Variants in NPSR1 observed in about 807,000 individuals in gnomAD.
The protein encoded by NPSR1 is neuropeptide S receptor.
NPSR1 carries 48 observed loss-of-function variants against 46.9 expected under a neutral mutation model. That is an observed-to-expected ratio of 1.02 (90% confidence interval 0.81 to 1.30). NPSR1 has a LOEUF of 1.30. Among genes scored for constraint, NPSR1 ranks in the 50% most tolerant of loss-of-function variants. The probability of loss-of-function intolerance (pLI) is 0.00; values close to 1 mark genes in which losing one functional copy is unlikely to be tolerated. For synonymous variants in NPSR1, 176 were observed against 168.1 expected (o/e 1.05, Z -0.36); for missense variants, 450 against 449.5 (o/e 1.00, Z -0.01).
intron 2 of NPSR1, among the ~76,000 whole-genome samples, chr7:34,749,997 G>C (rs1387100048): frequency 6.6e-6 from 1 of 151,838 alleles, no homozygotes; most frequent in Admixed American, 6.6e-5. Flanking sequence ...TTTTTTTTAA[G>C]TATATAAAAA....
chr7:34,696,078 TAAAAAA>T (rs34574984), intron 2 of NPSR1, among the ~76,000 whole-genome samples: 1 of 113,890 alleles, frequency 8.8e-6, no homozygotes, highest in Non-Finnish European at 1.9e-5. Flanking sequence ...GTTGATTTGA[TAAAAAA>T]AAAAAAAAAA....
At chr7:34,718,631 G>A (rs1214135541) in intron 2 of NPSR1, among the ~76,000 whole-genome samples, 1 of 152,220 alleles carries the variant, frequency 6.6e-6, no homozygotes, top group Non-Finnish European at 1.5e-5. Flanking sequence ...CTACATTGAA[G>A]ATCAAGGAAT....
chr7:34,805,479 CA>C (rs57776086), intron 3 of NPSR1, among the ~76,000 whole-genome samples: 2,183 of 71,872 alleles, frequency 0.03, 25 homozygotes, highest in African/African-American at 0.057. Context: ...TATCCACATG[CA>C]AAAAAAAAAA....
intron 8 of NPSR1, among the ~76,000 whole-genome samples, chr7:34,871,812 C>A (rs1257015006): frequency 1.3e-5 from 2 of 151,950 alleles, no homozygotes; most frequent in African/African-American, 2.4e-5. Flanking sequence ...AGGCCTTGGG[C>A]AGACCCACCC....
In NPSR1 at chr7:34,834,440, CAG is replaced by C; in HGVS notation, c.738_739del (p.Val247AspfsTer14). On this transcript the variant is annotated frameshift_variant, in exon 6 of 9. Transcript: ENST00000360581. LOFTEE classifies it high-confidence loss of function. Reference sequence around the variant, plus strand: ...TGGATTAAAAGCAAAACCTACGAAACAGTGATTTCCAACTGCTCAGGTAAGTC... The same window carrying C: ...TGGATTAAAAGCAAAACCTACGAAACTGATTTCCAACTGCTCAGGTAAGTC... 6.2e-7 allele frequency: 1 copy of C among 1,612,288 alleles called. No homozygotes were observed. The highest frequency in any genetic ancestry group is 8.5e-7 in the Non-Finnish European group (1 of 1,178,314).
intron 3 of NPSR1, among the ~76,000 whole-genome samples, chr7:34,791,217 T>TATATGTTATATATTATATTATATATGTC (rs1787855891): frequency 8.6e-6 from 1 of 116,380 alleles, no homozygotes; most frequent in Non-Finnish European, 1.6e-5. Flanking sequence ...TTATATATGT[T>TATATGTTATATATTATATTATATATGTC]ATATGTTATA....
At chr7:34,794,452 C>T (rs1788082552) in intron 3 of NPSR1, among the ~76,000 whole-genome samples, 1 of 151,970 alleles carries the variant, frequency 6.6e-6, no homozygotes, top group Non-Finnish European at 1.5e-5. Context: ...TTAAGATGGA[C>T]CAATTCCTTG....
chr7:34,793,022 A>G (rs1460169616), intron 3 of NPSR1, among the ~76,000 whole-genome samples: 1 of 151,724 alleles, frequency 6.6e-6, no homozygotes, highest in East Asian at 1.9e-4. Flanking sequence ...CTGTCTCTAC[A>G]AAAAGTAAAA....
chr7:34,712,117 C>T (rs1398061779), intron 2 of NPSR1, among the ~76,000 whole-genome samples: 20 of 152,182 alleles, frequency 1.3e-4, no homozygotes, highest in Admixed American at 1.3e-3. Flanking sequence ...TGCTTATTTA[C>T]GTTATCTCTC....
chr7:34,670,762 A>G (rs17189268), intron 1 of NPSR1, among the ~76,000 whole-genome samples: 37,601 of 151,866 alleles, frequency 0.25, 4,891 homozygotes, highest in South Asian at 0.34. Flanking sequence ...GTGTGAAAAA[A>G]TATTGTTTAT....
intron 3 of NPSR1, among the ~76,000 whole-genome samples, chr7:34,792,413 AC>A (rs1787921276): frequency 6.8e-6 from 1 of 147,622 alleles, no homozygotes; most frequent in Non-Finnish European, 1.5e-5. Context: ...TAGTCCTAGT[AC>A]TTTGGGAGGT....
chr7:34,698,757 T>A (rs1357136402), intron 2 of NPSR1, among the ~76,000 whole-genome samples: 1 of 152,182 alleles, frequency 6.6e-6, no homozygotes, highest in Non-Finnish European at 1.5e-5. Flanking sequence ...TTACAATGGT[T>A]TAGACAAATC....
chr7:34,859,540 C>T (rs1791137346), intron 8 of NPSR1, among the ~76,000 whole-genome samples: 1 of 151,604 alleles, frequency 6.6e-6, no homozygotes, highest in Non-Finnish European at 1.5e-5. Context: ...GATATTGCTG[C>T]CCTAACTCCA....
chr7:34,837,537 T>G (rs1790416633), intron 6 of NPSR1, among the ~76,000 whole-genome samples: 1 of 152,242 alleles, frequency 6.6e-6, no homozygotes, highest in Non-Finnish European at 1.5e-5. Flanking sequence ...TTTAACCCAT[T>G]TCCCGTTTGA....
At chr7:34,852,307 GAGAGAA>G (rs1790954324), downstream of NPSR1, among the ~76,000 whole-genome samples, 1 of 150,744 alleles carries the variant, frequency 6.6e-6, no homozygotes, top group African/African-American at 2.5e-5. Flanking sequence ...CTCAAGGAAA[GAGAGAA>G]AGAGAGAAAG....
intron 4 of NPSR1, among the ~76,000 whole-genome samples, chr7:34,813,446 C>T (rs569293684): frequency 6.6e-6 from 1 of 152,236 alleles, no homozygotes; most frequent in African/African-American, 2.4e-5. Context: ...CTGGGTCTAG[C>T]TCCAGCGCCC....
At chr7:34,743,967 A>G (rs908777365) in intron 2 of NPSR1, among the ~76,000 whole-genome samples, 2 of 152,166 alleles carry the variant, frequency 1.3e-5, no homozygotes, top group Non-Finnish European at 2.9e-5. Flanking sequence ...CCGATTTGAG[A>G]AGTATTAGTT....
chr7:34,783,696 C>G (rs1787334597), intron 3 of NPSR1, among the ~76,000 whole-genome samples: 1 of 151,852 alleles, frequency 6.6e-6, no homozygotes, highest in Admixed American at 6.6e-5. Context: ...GAAAATAAGA[C>G]TACACCAAGA....
chr7:34,875,605 G>A (rs570411412), intron 8 of NPSR1, among the ~76,000 whole-genome samples: 486 of 152,248 alleles, frequency 3.2e-3, no homozygotes, highest in African/African-American at 0.011. Context: ...AGAGGGTGTC[G>A]AGCCCCAGTG....
Sources: gnomAD v4.1 joint callset for allele counts (sites outside exome capture counted in the v4.1 genomes callset) on GRCh38, gnomAD v4.1.1 for gene constraint, MANE v1.5 for transcripts, NCBI Gene and HGNC (gene_info 2026-07-23, HGNC 2026-07-21) for gene names.